The following ESR1 variants were observed in gnomAD, a reference collection of about 807,000 sequenced individuals.
ESR1 encodes the protein estrogen receptor 1.
Under a neutral mutation model 52.7 loss-of-function variants are expected in ESR1, and 12 were observed. The observed-to-expected ratio is 0.23, with a 90% confidence interval of 0.15 to 0.37. ESR1 has a LOEUF of 0.37. ESR1 is among the 10% of genes least tolerant of loss of function. The probability of loss-of-function intolerance (pLI) is 1.00; values close to 1 mark genes in which losing one functional copy is unlikely to be tolerated. For missense variants in ESR1, 584 were observed against 779.7 expected (o/e 0.75, Z 2.99); for synonymous variants, 305 against 316.8 (o/e 0.96, Z 0.39).
chr6:151,859,498 A>G (rs1048428859), intron 2 of ESR1, among the ~76,000 whole-genome samples: 1 of 152,186 alleles, frequency 6.6e-6, no homozygotes, highest in Non-Finnish European at 1.5e-5. Context: ...CTAACTGCAA[A>G]CATGGCAGGG....
intron 2 of ESR1, among the ~76,000 whole-genome samples, chr6:151,784,691 C>T (rs1786854373): frequency 6.6e-6 from 1 of 152,208 alleles, no homozygotes; most frequent in African/African-American, 2.4e-5. Context: ...ACTAGTGTAA[C>T]TTCCCCTCCT....
chr6:151,766,922 G>A (rs975253447), intron 2 of ESR1, among the ~76,000 whole-genome samples: 10 of 152,132 alleles, frequency 6.6e-5, no homozygotes, highest in Non-Finnish European at 8.8e-5. Flanking sequence ...CTGTCATCTC[G>A]TAAATGACAG....
intron 2 of ESR1, among the ~76,000 whole-genome samples, chr6:151,738,046 C>T (rs1411456055): frequency 1.3e-5 from 2 of 152,082 alleles, no homozygotes; most frequent in African/African-American, 2.4e-5. Context: ...ATAAGATGAC[C>T]GACCATTGGT....
At chr6:151,947,292 C>T (rs2035813269) in intron 4 of ESR1, among the ~76,000 whole-genome samples, 1 of 152,080 alleles carries the variant, frequency 6.6e-6, no homozygotes, top group Non-Finnish European at 1.5e-5. Flanking sequence ...GCACTCCGGC[C>T]TGGGCAACAA....
At chr6:151,940,418 T>A (rs1227798947) in intron 3 of ESR1, among the ~76,000 whole-genome samples, 3 of 152,194 alleles carry the variant, frequency 2.0e-5, no homozygotes, top group Non-Finnish European at 4.4e-5. Flanking sequence ...TTTGATGATT[T>A]TATAAATAGT....
At chr6:152,112,651 T>A (rs1328370261) in intron 6 of ESR1, 1 of 152,192 alleles carries the variant, frequency 6.6e-6, no homozygotes, top group African/African-American at 2.4e-5. Flanking sequence ...CTATGTGCTC[T>A]CCTTGCCGGA....
chr6:151,884,668 T>A (rs1473691900), intron 3 of ESR1, among the ~76,000 whole-genome samples: 1 of 152,238 alleles, frequency 6.6e-6, no homozygotes, highest in African/African-American at 2.4e-5. Flanking sequence ...AATCCCAGCA[T>A]CATTATTAGA....
intron 2 of ESR1, among the ~76,000 whole-genome samples, chr6:151,741,428 C>T (rs983995777): frequency 6.6e-6 from 1 of 151,922 alleles, no homozygotes; most frequent in Non-Finnish European, 1.5e-5. Flanking sequence ...ATTTTTTGAG[C>T]CCAAAAAATA....
intron 2 of ESR1, among the ~76,000 whole-genome samples, chr6:151,741,262 C>G (rs1033804928): frequency 6.6e-6 from 1 of 152,078 alleles, no homozygotes; most frequent in Non-Finnish European, 1.5e-5. Flanking sequence ...CAAGGCTTAG[C>G]TTAAATGTGT....
At chr6:151,871,271 A>G (rs1790912167) in intron 2 of ESR1, among the ~76,000 whole-genome samples, 1 of 152,106 alleles carries the variant, frequency 6.6e-6, no homozygotes, top group Non-Finnish European at 1.5e-5. Flanking sequence ...AAATTGTGAT[A>G]AGATATACAT....
At chr6:152,068,402 G>GA (rs2048133983) in intron 6 of ESR1, among the ~76,000 whole-genome samples, 1 of 152,276 alleles carries the variant, frequency 6.6e-6, no homozygotes. Flanking sequence ...TGAGTCTTAA[G>GA]ACTGACCACA....
intron 3 of ESR1, among the ~76,000 whole-genome samples, chr6:151,891,731 T>A (rs1374187547): frequency 6.6e-6 from 1 of 152,096 alleles, no homozygotes; most frequent in Non-Finnish European, 1.5e-5. Flanking sequence ...GAGATAGACA[T>A]ATGCATGAGT....
At chr6:151,831,183 C>T (rs1782350399) in intron 1 of ESR1, among the ~76,000 whole-genome samples, 1 of 151,336 alleles carries the variant, frequency 6.6e-6, no homozygotes, top group South Asian at 2.1e-4. Context: ...CTCTCTGTCA[C>T]CCATGCTGGA....
chr6:152,040,576 A>G (rs3020356), intron 5 of ESR1, among the ~76,000 whole-genome samples: 24,140 of 152,178 alleles, frequency 0.16, 1,956 homozygotes, highest in South Asian at 0.2. Flanking sequence ...TCAGTATATA[A>G]TCACACATCT....
chr6:151,952,315 T>A (rs1357788109), intron 4 of ESR1, among the ~76,000 whole-genome samples: 2 of 152,198 alleles, frequency 1.3e-5, no homozygotes, highest in Admixed American at 6.5e-5. Flanking sequence ...GGGAAAGACC[T>A]TTGTAAAAAG....
intron 3 of ESR1, among the ~76,000 whole-genome samples, chr6:151,886,876 A>C (rs1438818454): frequency 1.3e-5 from 2 of 151,984 alleles, no homozygotes; most frequent in East Asian, 3.9e-4. Context: ...CCTCGTCTCT[A>C]CTAAGGATAC....
At chr6:151,678,789 C>A (rs1489140169) in intron 1 of ESR1, among the ~76,000 whole-genome samples, 1 of 151,682 alleles carries the variant, frequency 6.6e-6, no homozygotes, top group East Asian at 2.0e-4. Context: ...TGGGTTCAAG[C>A]GATTCCCCTG....
chr6:151,785,423 A>G (rs932543822), intron 2 of ESR1, among the ~76,000 whole-genome samples: 2 of 152,220 alleles, frequency 1.3e-5, no homozygotes, highest in Non-Finnish European at 2.9e-5. Context: ...TTTGAGAACC[A>G]CAGAGTAAGG....
chr6:151,830,166 C>T (rs1782166707), intron 1 of ESR1, among the ~76,000 whole-genome samples: 1 of 152,138 alleles, frequency 6.6e-6, no homozygotes, highest in Non-Finnish European at 1.5e-5. Flanking sequence ...GTCAGTGGGT[C>T]TAGGACTCTT....
Sources: gnomAD v4.1 joint callset for allele counts (sites outside exome capture counted in the v4.1 genomes callset) on GRCh38, gnomAD v4.1.1 for gene constraint, MANE v1.5 for transcripts, NCBI Gene and HGNC (gene_info 2026-07-23, HGNC 2026-07-21) for gene names.